The following ZNF277 variants were observed in gnomAD, a reference collection of about 807,000 sequenced individuals.
ZNF277 encodes the protein nuclear receptor-interacting factor 4.
In ZNF277, 55 loss-of-function variants were observed where a neutral mutation model predicts 60.7. The ratio of observed to expected loss-of-function variants is 0.91; its 90% CI spans 0.73 to 1.13. ZNF277 has a LOEUF of 1.13. Ranked by LOEUF, ZNF277 falls within the 50% of genes most tolerant of loss-of-function variation. The probability of loss-of-function intolerance (pLI) is 0.00; values close to 1 mark genes in which losing one functional copy is unlikely to be tolerated. For missense variants in ZNF277, 510 were observed against 523.0 expected (o/e 0.98, Z 0.24); for synonymous variants, 178 against 179.3 (o/e 0.99, Z 0.06).
In ZNF277 at chr7:112,326,001, A is replaced by G. The variant is rs371662888; in HGVS notation, c.558-1716A>G. On this transcript the variant is annotated intron_variant, in intron 5 of 11. Coordinates refer to ENST00000361822, the MANE Select transcript of ZNF277 (RefSeq NM_021994.3). ...AACTCATTTACCCCAGGAGCCAACC[A>G]CTGGCCTCTCATCTCGTAACTCAGA... is the stretch of plus-strand genomic sequence containing the variant. Among the ~76,000 whole-genome samples, 92 of 152,210 alleles carry G rather than the reference A, an allele frequency of 6.0e-4. 1 individual carries two copies. The South Asian group carries it at 0.015, about 25-fold the overall frequency.
At chr7:112,299,739 A>G (rs576162941) in intron 4 of ZNF277, among the ~76,000 whole-genome samples, 1 of 152,216 alleles carries the variant, frequency 6.6e-6, no homozygotes, top group Non-Finnish European at 1.5e-5. Context: ...CCCCAGCTCA[A>G]TATTTCAACT....
intron 1 of ZNF277, among the ~76,000 whole-genome samples, chr7:112,240,536 T>C (rs2116992492): frequency 6.6e-6 from 1 of 152,244 alleles, no homozygotes; most frequent in South Asian, 2.1e-4. Flanking sequence ...CCCAAAAATA[T>C]ATACACATAC....
chr7:112,269,579 T>C (rs1234016337), intron 1 of ZNF277, among the ~76,000 whole-genome samples: 9 of 152,112 alleles, frequency 5.9e-5, no homozygotes, highest in Admixed American at 1.3e-4. Context: ...TTTATCACAG[T>C]GGACATTGGC....
chr7:112,292,382 G>C (rs1237134320), intron 2 of ZNF277, among the ~76,000 whole-genome samples: 1 of 152,078 alleles, frequency 6.6e-6, no homozygotes, highest in African/African-American at 2.4e-5. Context: ...AGCAACTTAG[G>C]AGCAGTTCAG....
intron 5 of ZNF277, among the ~76,000 whole-genome samples, chr7:112,321,252 C>G (rs1584409166): frequency 6.6e-6 from 1 of 151,988 alleles, no homozygotes; most frequent in Middle Eastern, 3.4e-3. Flanking sequence ...ATTTTGAACT[C>G]TTTTTCTTAG....
At chr7:112,248,106 A>C (rs1168561249) in intron 1 of ZNF277, among the ~76,000 whole-genome samples, 1 of 152,166 alleles carries the variant, frequency 6.6e-6, no homozygotes, top group Non-Finnish European at 1.5e-5. Context: ...TCCACCTTGG[A>C]GAGTTGGGTA....
chr7:112,312,601 C>T (rs777135691), intron 4 of ZNF277, among the ~76,000 whole-genome samples: 3 of 151,834 alleles, frequency 2.0e-5, no homozygotes, highest in African/African-American at 7.3e-5. Context: ...CAAATGTACG[C>T]GTGCATGTGA....
rs375766686 is a variant in ZNF277 at position 112,309,180 on chromosome 7, A to G, written c.466-9002A>G. On this transcript the variant is annotated intron_variant, in intron 4 of 11. Coordinates refer to ENST00000361822, the MANE Select transcript of ZNF277 (RefSeq NM_021994.3). ...TGGCATGTTCTGAACCCCATCGCTGACTATGCAGTTTTTACAAGAGTCAAC... is the reference window on the plus strand; with the variant it reads ...TGGCATGTTCTGAACCCCATCGCTGGCTATGCAGTTTTTACAAGAGTCAAC... 3.3e-5 allele frequency among the ~76,000 whole-genome samples: 5 copies of G among 152,028 alleles called. No individual in the cohort carries two copies. In the East Asian group the frequency reaches 9.7e-4, roughly 30 times the overall value.
intron 1 of ZNF277, among the ~76,000 whole-genome samples, chr7:112,284,781 A>G (rs1792023619): frequency 6.6e-6 from 1 of 152,186 alleles, no homozygotes; most frequent in Admixed American, 6.5e-5. Flanking sequence ...GTGATGTATT[A>G]GAGACCCTCT....
At chr7:112,283,925 G>A (rs559896135) in intron 1 of ZNF277, among the ~76,000 whole-genome samples, 2 of 152,232 alleles carry the variant, frequency 1.3e-5, no homozygotes, top group Admixed American at 6.5e-5. Context: ...GCTTATAAAT[G>A]TATATATATA....
intron 1 of ZNF277, among the ~76,000 whole-genome samples, chr7:112,213,011 G>A (rs1168326142): frequency 1.3e-5 from 2 of 152,126 alleles, no homozygotes; most frequent in African/African-American, 4.8e-5. Context: ...GTCTTGTTTG[G>A]TGACATGGTT....
intron 9 of ZNF277, 140 bp downstream of exon 9, chr7:112,337,966 AC>A: frequency 1.6e-6 from 1 of 641,552 alleles, no homozygotes; most frequent in South Asian, 1.9e-5. Flanking sequence ...GTCAGGGAGA[AC>A]CAGAGCTCAG....
chr7:112,301,310 C>T (rs929105433), intron 4 of ZNF277, among the ~76,000 whole-genome samples: 1 of 152,090 alleles, frequency 6.6e-6, no homozygotes, highest in African/African-American at 2.4e-5. Context: ...GCCCTATTCT[C>T]TTCTTCAAAA....
chr7:112,254,571 A>G (rs1461825964), intron 1 of ZNF277, among the ~76,000 whole-genome samples: 2 of 152,250 alleles, frequency 1.3e-5, no homozygotes, highest in Admixed American at 6.5e-5. Flanking sequence ...TAGCTGAATA[A>G]CAATTTGTGT....
In ZNF277 at chr7:112,339,860, T is replaced by A; in HGVS notation, c.984T>A (p.Asp328Glu). The part of the protein sequence containing the change: ...YVHMEDAHEF[D>E]LLKIKSELGL... ...TTTTTTAGGATGCACACGAATTTGA[T>A]CTTCTCAAAATAAAGTCAGAACTTG... Residue 328 changes from aspartate to glutamate, a missense_variant, in exon 10 of 12, where the codon GAT (aspartate) becomes GAA (glutamate). By Grantham distance (45) the Asp-to-Glu change is conservative. Coordinates refer to ENST00000361822, the MANE Select transcript of ZNF277 (RefSeq NM_021994.3). 6.2e-7 allele frequency: 1 copy of A among 1,611,864 alleles called. No individual in the cohort carries two copies. The highest frequency in any genetic ancestry group is 8.5e-7 in the Non-Finnish European group (1 of 1,179,920).
At chr7:112,288,581 C>T (rs1351721328) in intron 2 of ZNF277, 1 of 152,162 alleles carries the variant, frequency 6.6e-6, no homozygotes, top group East Asian at 1.9e-4. Flanking sequence ...GGGGGTAACA[C>T]CAGCCCTCAT....
chr7:112,279,923 G>A (rs898407160), intron 1 of ZNF277, among the ~76,000 whole-genome samples: 1 of 152,138 alleles, frequency 6.6e-6, no homozygotes, highest in African/African-American at 2.4e-5. Flanking sequence ...TGTGGCTGAG[G>A]CTGAAGATAT....
chr7:112,309,030 C>T (rs1792663462), intron 4 of ZNF277, among the ~76,000 whole-genome samples: 1 of 151,922 alleles, frequency 6.6e-6, no homozygotes, highest in Non-Finnish European at 1.5e-5. Flanking sequence ...ATGTTCCTTT[C>T]CCCCAGGTAT....
chr7:112,280,870 C>T (rs6950339), intron 1 of ZNF277, among the ~76,000 whole-genome samples: 6,545 of 152,192 alleles, frequency 0.043, 337 homozygotes, highest in African/African-American at 0.13. Flanking sequence ...TCAAGTAATG[C>T]GCCCACCTCA....
Sources: allele counts gnomAD v4.1 joint callset (sites outside exome capture counted in the v4.1 genomes callset), GRCh38; gene constraint gnomAD v4.1.1; transcripts MANE v1.5; gene names NCBI Gene and HGNC (gene_info 2026-07-23, HGNC 2026-07-21).